Variants in ADGRL2 observed in about 807,000 individuals in gnomAD.
ADGRL2 encodes the protein adhesion G protein-coupled receptor L2.
ADGRL2 carries 44 observed loss-of-function variants against 157.4 expected under a neutral mutation model. The ratio of observed to expected loss-of-function variants is 0.28; its 90% CI spans 0.22 to 0.36. The LOEUF (loss-of-function observed/expected upper bound fraction) is 0.36, where lower values mean the gene tolerates loss of function less well. ADGRL2 is among the 10% of genes least tolerant of loss of function. The pLI, the probability that ADGRL2 is intolerant of heterozygous loss-of-function variation, is 1.00. For missense variants in ADGRL2, 1,510 were observed against 1,768.9 expected (o/e 0.85, Z 2.63); for synonymous variants, 585 against 624.7 (o/e 0.94, Z 0.95).
intron 1 of ADGRL2, among the ~76,000 whole-genome samples, chr1:81,330,622 C>A (rs1480667929): frequency 1.3e-5 from 2 of 152,128 alleles, no homozygotes. Context: ...ACTAATGGAT[C>A]TTTCCTATTA....
At chr1:81,618,797 A>T (rs2148702237) in intron 3 of ADGRL2, among the ~76,000 whole-genome samples, 1 of 152,278 alleles carries the variant, frequency 6.6e-6, no homozygotes, top group South Asian at 2.1e-4. Context: ...ACTTTTAATT[A>T]TCTCAGTTAA....
In ADGRL2 at chr1:81,872,112, G is replaced by A. The variant is rs183789255; in HGVS notation, c.74-34905G>A. On this transcript the variant is annotated intron_variant, in intron 2 of 23. Transcript: ENST00000686636. ...CCATCTTGAATTAATTTTTGTATAA[G>A]GTGTAAGGAAAGGGATCCAGTTTCA... Among the ~76,000 whole-genome samples the A allele has an allele frequency of 4.0e-3, 614 of 152,242 alleles. 4 individuals carry two copies. Among genetic ancestry groups the A allele is most frequent in the African/African-American group, 0.013 (555 of 41,546 alleles).
chr1:81,626,393 C>A (rs569041197), intron 3 of ADGRL2, among the ~76,000 whole-genome samples: 1 of 152,266 alleles, frequency 6.6e-6, no homozygotes, highest in African/African-American at 2.4e-5. Flanking sequence ...GCAGCCTCAA[C>A]CTCCCGGGCT....
At chr1:81,580,930 C>T (rs1377892679) in exon 3 of ADGRL2, 1 of 152,172 alleles carries the variant, frequency 6.6e-6, no homozygotes, top group Non-Finnish European at 1.5e-5. Flanking sequence ...AGGCTTGTGG[C>T]TGTCCTTATG....
chr1:81,755,750 A>G (rs2085666597), intron 1 of ADGRL2, among the ~76,000 whole-genome samples: 1 of 152,112 alleles, frequency 6.6e-6, no homozygotes, highest in Non-Finnish European at 1.5e-5. Context: ...TTGACACAGT[A>G]ATCTCCCTAA....
intron 2 of ADGRL2, among the ~76,000 whole-genome samples, chr1:81,897,807 G>GTGTA (rs2151558220): frequency 6.6e-6 from 1 of 152,186 alleles, no homozygotes; most frequent in East Asian, 1.9e-4. Context: ...GAAAATATTG[G>GTGTA]TGTATTTCTT....
At position 81,526,156 on chromosome 1, in the gene ADGRL2, G is replaced by T. The variant is rs187853558; in HGVS notation, c.-247-54720G>T. Among the ~76,000 whole-genome samples, 10 of 152,232 alleles carry T rather than the reference G, an allele frequency of 6.6e-5. No homozygotes were observed. In the East Asian group the frequency reaches 1.9e-3, roughly 29 times the overall value. On this transcript the variant is annotated intron_variant, in intron 2 of 24. Transcript: ENST00000370721. ...TTAAGCAGATTTGCAAGCTTATTTT[G>T]TCTCCTTGTATCATATAGTGCATTT...
At chr1:81,832,235 G>A (rs192082198) in intron 1 of ADGRL2, among the ~76,000 whole-genome samples, 4 of 152,218 alleles carry the variant, frequency 2.6e-5, no homozygotes, top group African/African-American at 4.8e-5. Flanking sequence ...TCCACCTCTC[G>A]GGTTCAAGCA....
At chr1:81,596,102 CT>C (rs34056607) in intron 3 of ADGRL2, 106,014 of 337,814 alleles carry the variant, frequency 0.31, 11,195 homozygotes, top group African/African-American at 0.41. Flanking sequence ...GAACTAGGAT[CT>C]TTTTTTTTTT....
chr1:81,473,174 C>G (rs547485965), intron 2 of ADGRL2, among the ~76,000 whole-genome samples: 1 of 152,060 alleles, frequency 6.6e-6, no homozygotes, highest in East Asian at 1.9e-4. Context: ...ATGGTGTGAT[C>G]GGCAAGAAAG....
intron 3 of ADGRL2, among the ~76,000 whole-genome samples, chr1:81,618,080 A>G (rs1165163305): frequency 6.6e-6 from 1 of 151,660 alleles, no homozygotes; most frequent in Non-Finnish European, 1.5e-5. Context: ...TTTTCCTTCC[A>G]ATTATAAGGA....
At chr1:81,900,671 A>G (rs2094469424) in intron 2 of ADGRL2, among the ~76,000 whole-genome samples, 1 of 152,354 alleles carries the variant, frequency 6.6e-6, no homozygotes, top group South Asian at 2.1e-4. Context: ...GTGCATTCTT[A>G]ACTAACTGGG....
intron 2 of ADGRL2, among the ~76,000 whole-genome samples, chr1:81,462,934 GC>G: frequency 6.6e-6 from 1 of 151,860 alleles, no homozygotes; most frequent in Non-Finnish European, 1.5e-5. Flanking sequence ...GGGCAACTTG[GC>G]AAAACCCAAT....
At chr1:81,824,786 G>A (rs2091305208) in intron 1 of ADGRL2, among the ~76,000 whole-genome samples, 1 of 152,110 alleles carries the variant, frequency 6.6e-6, no homozygotes, top group African/African-American at 2.4e-5. Context: ...AGGTGGAGGG[G>A]AAAGATGTTT....
chr1:81,904,884 G>C (rs1158373135), intron 2 of ADGRL2, among the ~76,000 whole-genome samples: 2 of 151,962 alleles, frequency 1.3e-5, no homozygotes, highest in African/African-American at 4.8e-5. Flanking sequence ...GGGGGCAGGG[G>C]GAAAGAAAGA....
intron 2 of ADGRL2, among the ~76,000 whole-genome samples, chr1:81,770,640 A>C (rs1479371980): frequency 6.6e-6 from 1 of 151,288 alleles, no homozygotes; most frequent in East Asian, 2.0e-4. Flanking sequence ...CGCCCAGCTA[A>C]TTTTGTATTT....
At chr1:81,958,296 G>A (rs531880813) in intron 11 of ADGRL2, among the ~76,000 whole-genome samples, 1 of 149,352 alleles carries the variant, frequency 6.7e-6, no homozygotes, top group Admixed American at 6.7e-5. Context: ...AATAATAGTT[G>A]TGTCTTTTTT....
chr1:81,641,505 A>G (rs200566219), intron 3 of ADGRL2, among the ~76,000 whole-genome samples: 155 of 152,362 alleles, frequency 1.0e-3, no homozygotes, highest in African/African-American at 3.7e-3. Context: ...AATTAAACTG[A>G]AAATCGACAA....
At chr1:81,716,565 G>T (rs1243767227) in intron 1 of ADGRL2, among the ~76,000 whole-genome samples, 1 of 152,042 alleles carries the variant, frequency 6.6e-6, no homozygotes, top group South Asian at 2.1e-4. Flanking sequence ...TGTGTGGCTG[G>T]CACTTTTGGA....
Sources: allele counts gnomAD v4.1 joint callset (sites outside exome capture counted in the v4.1 genomes callset), GRCh38; gene constraint gnomAD v4.1.1; transcripts MANE v1.5; gene names NCBI Gene and HGNC (gene_info 2026-07-23, HGNC 2026-07-21).